Variants in PTPRD observed in about 807,000 individuals in gnomAD.
PTPRD encodes receptor-type tyrosine-protein phosphatase delta.
PTPRD carries 34 observed loss-of-function variants against 214.5 expected under a neutral mutation model. The ratio of observed to expected loss-of-function variants is 0.16; its 90% confidence interval spans 0.12 to 0.21. PTPRD has a LOEUF of 0.21. PTPRD is among the 10% of genes least tolerant of loss of function. The pLI is 1.00. For missense variants in PTPRD, 2,545 were observed against 2,398.7 expected (o/e 1.06, Z -1.27); for synonymous variants, 1,128 against 845.7 (o/e 1.33, Z -5.79).
At chr9:9,941,479 C>T (rs565150183) in intron 4 of PTPRD, among the ~76,000 whole-genome samples, 2 of 152,188 alleles carry the variant, frequency 1.3e-5, no homozygotes, top group South Asian at 2.1e-4. Flanking sequence ...CCCAGCACCA[C>T]GCCTGGGTAA....
intron 2 of PTPRD, among the ~76,000 whole-genome samples, chr9:10,539,057 C>A (rs1162535702): frequency 6.6e-6 from 1 of 152,216 alleles, no homozygotes; most frequent in African/African-American, 2.4e-5. Flanking sequence ...CACATTAATG[C>A]AAATGCTCCT....
At chr9:10,250,847 C>G (rs570664192) in intron 3 of PTPRD, among the ~76,000 whole-genome samples, 4 of 151,634 alleles carry the variant, frequency 2.6e-5, no homozygotes, top group African/African-American at 4.8e-5. Flanking sequence ...TGTGTATAAT[C>G]ATATGTAAAT....
At chr9:9,613,743 G>A (rs1326214659) in intron 7 of PTPRD, among the ~76,000 whole-genome samples, 1 of 152,100 alleles carries the variant, frequency 6.6e-6, no homozygotes, top group African/African-American at 2.4e-5. Context: ...AGAATCTCAG[G>A]CCCACCCCCT....
At chr9:9,097,108 C>A (rs373195224) in intron 10 of PTPRD, among the ~76,000 whole-genome samples, 6 of 152,182 alleles carry the variant, frequency 3.9e-5, no homozygotes, top group African/African-American at 1.4e-4. Context: ...GGTTTGCATA[C>A]AAGCAGGGCA....
At chr9:9,566,981 A>G (rs144964010) in intron 8 of PTPRD, among the ~76,000 whole-genome samples, 1 of 152,214 alleles carries the variant, frequency 6.6e-6, no homozygotes, top group African/African-American at 2.4e-5. Context: ...CAAGGGCACC[A>G]ATTTTACCCT....
chr9:9,528,845 A>AT (rs1209071785), intron 8 of PTPRD, among the ~76,000 whole-genome samples: 1 of 151,934 alleles, frequency 6.6e-6, no homozygotes, highest in Non-Finnish European at 1.5e-5. Flanking sequence ...TCATTCAAGA[A>AT]TTTTTTCCCA....
At chr9:9,066,383 A>T (rs142440787) in intron 10 of PTPRD, among the ~76,000 whole-genome samples, 1,651 of 152,138 alleles carry the variant, frequency 0.011, 31 homozygotes, top group African/African-American at 0.038. Flanking sequence ...TCTTGTGTTC[A>T]TTTTGGTAGT....
intron 11 of PTPRD, among the ~76,000 whole-genome samples, chr9:8,795,489 A>C (rs1469433920): frequency 1.3e-5 from 2 of 152,176 alleles, no homozygotes; most frequent in African/African-American, 4.8e-5. Context: ...TAAATAGCCT[A>C]CTTAGGAATT....
rs370343083 is a variant in PTPRD at position 8,485,931 on chromosome 9, G to A, written c.2886C>T (p.Asn962=). The A allele has an allele frequency of 1.7e-4, 277 of 1,614,200 alleles. No homozygotes were observed. In the East Asian group the frequency reaches 3.8e-3, roughly 22 times the overall value. The change falls in exon 28 of 46, where the codon AAC becomes AAT. Residue 962 remains asparagine, a synonymous_variant. Coordinates refer to ENST00000381196, the MANE Select transcript of PTPRD (RefSeq NM_002839.4). ...TKYTLLYRDI[N]IPLLPMEQLI... Reference sequence around the variant, plus strand: ...GCTGCTCCATCGGGAGAAGGGGGATGTTGATATCCCTATAAAGAAGGGTAT... The same window carrying A: ...GCTGCTCCATCGGGAGAAGGGGGATATTGATATCCCTATAAAGAAGGGTAT...
intron 39 of PTPRD, among the ~76,000 whole-genome samples, chr9:8,355,544 G>C (rs913593433): frequency 1.3e-5 from 2 of 152,134 alleles, no homozygotes; most frequent in Non-Finnish European, 2.9e-5. Flanking sequence ...AGAGGACAGG[G>C]TTTGCCTCTC....
At chr9:8,459,460 G>A (rs748945268) in intron 33 of PTPRD, among the ~76,000 whole-genome samples, 1 of 151,942 alleles carries the variant, frequency 6.6e-6, no homozygotes, top group Admixed American at 6.6e-5. Context: ...AAGTAATTTT[G>A]AATTTAGTCA....
intron 8 of PTPRD, among the ~76,000 whole-genome samples, chr9:9,420,880 A>C (rs1336316917): frequency 6.6e-6 from 1 of 151,960 alleles, no homozygotes; most frequent in Non-Finnish European, 1.5e-5. Flanking sequence ...ATAAATGCAG[A>C]TAATTTGTTA....
rs148113604 is a variant in PTPRD at position 9,447,653 on chromosome 9, T to C, written c.-236-50171A>G. ...TACCTGTATGAGAAACCTGCACATG[T>C]ACCCCTGAAATTAAAAGAAAAAAAA... On this transcript the variant is annotated intron_variant, in intron 8 of 45. Coordinates refer to ENST00000381196, the MANE Select transcript of PTPRD (RefSeq NM_002839.4). 3.1e-3 allele frequency among the ~76,000 whole-genome samples: 471 copies of C among 152,184 alleles called. 3 individuals carry two copies. Among genetic ancestry groups the C allele is most frequent in the Admixed American group, 5.0e-3 (77 of 15,266 alleles).
intron 11 of PTPRD, among the ~76,000 whole-genome samples, chr9:8,869,744 A>AAC (rs1402415603): frequency 6.6e-6 from 1 of 151,896 alleles, no homozygotes; most frequent in Non-Finnish European, 1.5e-5. Flanking sequence ...AAAAAAAAAA[A>AAC]AAAATCACAG....
intron 2 of PTPRD, among the ~76,000 whole-genome samples, chr9:10,480,431 C>G (rs1440236073): frequency 2.0e-5 from 3 of 152,032 alleles, no homozygotes; most frequent in Non-Finnish European, 4.4e-5. Context: ...GTAGTATTAC[C>G]TGAGAAGGTG....
intron 10 of PTPRD, among the ~76,000 whole-genome samples, chr9:9,087,715 G>A (rs1400144782): frequency 2.6e-5 from 4 of 151,998 alleles, no homozygotes; most frequent in African/African-American, 9.7e-5. Context: ...CAGGGAGCTT[G>A]TAGTAATTTT....
chr9:8,559,344 T>C (rs1020839832), intron 14 of PTPRD, among the ~76,000 whole-genome samples: 10 of 152,208 alleles, frequency 6.6e-5, no homozygotes, highest in Non-Finnish European at 1.2e-4. Context: ...TATACAGATA[T>C]CGAAATATCA....
chr9:8,929,755 A>C (rs12003979), intron 11 of PTPRD, among the ~76,000 whole-genome samples: 1 of 58,080 alleles, frequency 1.7e-5, no homozygotes, highest in Non-Finnish European at 3.5e-5. Flanking sequence ...GTATATATAT[A>C]TGTATATATA....
intron 5 of PTPRD, among the ~76,000 whole-genome samples, chr9:9,909,338 C>A (rs563442909): frequency 1.8e-3 from 251 of 139,594 alleles, no homozygotes; most frequent in Non-Finnish European, 3.1e-3. Context: ...TTTTTTACGG[C>A]TTTTCCTATT....
Sources: allele counts gnomAD v4.1 joint callset (sites outside exome capture counted in the v4.1 genomes callset), GRCh38; gene constraint gnomAD v4.1.1; transcripts MANE v1.5; gene names NCBI Gene and HGNC (gene_info 2026-07-23, HGNC 2026-07-21).